RBMS3: variants seen among roughly 807,000 people sequenced by gnomAD.
The protein encoded by RBMS3 is RNA binding motif single stranded interacting protein 3, also known as RNA-binding motif, single-stranded-interacting protein 3.
A neutral mutation model predicts 66.8 loss-of-function variants in RBMS3; 27 were observed. That is an observed-to-expected ratio of 0.40 (90% CI 0.30 to 0.56). The LOEUF (loss-of-function observed/expected upper bound fraction) is 0.56, where lower values mean the gene tolerates loss of function less well. RBMS3 is among the 20% of genes least tolerant of loss of function. The pLI is 0.40. For synonymous variants in RBMS3, 188 were observed against 183.0 expected (o/e 1.03, Z -0.22); for missense variants, 513 against 549.5 (o/e 0.93, Z 0.66).
chr3:29,657,061 T>C (rs531160658), intron 4 of RBMS3, among the ~76,000 whole-genome samples: 5 of 152,288 alleles, frequency 3.3e-5, no homozygotes, highest in South Asian at 2.1e-4. Context: ...GTGGCACATG[T>C]GATTTTTGAC....
intron 4 of RBMS3, among the ~76,000 whole-genome samples, chr3:29,737,457 A>G (rs1187134169): frequency 6.6e-6 from 1 of 152,192 alleles, no homozygotes; most frequent in Non-Finnish European, 1.5e-5. Context: ...TAGGAAAATT[A>G]GTCACTAAAT....
chr3:29,921,626 A>G (rs1248894563), intron 10 of RBMS3, among the ~76,000 whole-genome samples: 1 of 152,184 alleles, frequency 6.6e-6, no homozygotes, highest in Non-Finnish European at 1.5e-5. Context: ...GGCTCTCCCT[A>G]TAATGAGCTG....
At chr3:29,652,518 G>T (rs2149215682) in intron 4 of RBMS3, among the ~76,000 whole-genome samples, 1 of 152,130 alleles carries the variant, frequency 6.6e-6, no homozygotes, top group African/African-American at 2.4e-5. Flanking sequence ...TCCTGCTAGT[G>T]ATCTTGGGGA....
intron 4 of RBMS3, among the ~76,000 whole-genome samples, chr3:29,727,761 A>C (rs1268223747): frequency 6.6e-6 from 1 of 152,164 alleles, no homozygotes; most frequent in Middle Eastern, 3.2e-3. Flanking sequence ...TGTTGGTGGG[A>C]GTGTAAATTA....
chr3:29,549,636 G>T (rs1373221985), intron 3 of RBMS3, among the ~76,000 whole-genome samples: 3 of 152,032 alleles, frequency 2.0e-5, no homozygotes, highest in African/African-American at 7.3e-5. Flanking sequence ...CTGACCTCAG[G>T]TGATTCGCTC....
At chr3:29,833,140 A>G (rs2058417832) in intron 6 of RBMS3, among the ~76,000 whole-genome samples, 1 of 152,196 alleles carries the variant, frequency 6.6e-6, no homozygotes, top group Non-Finnish European at 1.5e-5. Context: ...TAAGAGTACT[A>G]GCTGAATCTA....
chr3:29,500,838 C>CTGTG (rs58254082), intron 3 of RBMS3, among the ~76,000 whole-genome samples: 2,404 of 148,258 alleles, frequency 0.016, 57 homozygotes, highest in African/African-American at 0.052. Flanking sequence ...GTCAGTACAT[C>CTGTG]TGTGTGTGTG....
chr3:29,413,742 G>C (rs2164926), intron 1 of RBMS3, among the ~76,000 whole-genome samples: 2 of 151,952 alleles, frequency 1.3e-5, no homozygotes, highest in Non-Finnish European at 2.9e-5. Context: ...TAGGTGAAGA[G>C]AACTGAATTG....
intron 6 of RBMS3, among the ~76,000 whole-genome samples, chr3:29,781,360 A>G (rs574454483): frequency 4.1e-4 from 63 of 152,064 alleles, no homozygotes; most frequent in African/African-American, 1.5e-3. Flanking sequence ...ATTCACCCAC[A>G]TGGTTATATG....
intron 1 of RBMS3, among the ~76,000 whole-genome samples, chr3:29,320,292 A>G (rs1057490444): frequency 1.3e-5 from 2 of 152,026 alleles, no homozygotes; most frequent in Non-Finnish European, 2.9e-5. Context: ...AGACCTCTGA[A>G]AGGTTCAGGC....
chr3:29,338,424 C>G (rs759717408), intron 1 of RBMS3, among the ~76,000 whole-genome samples: 3 of 152,148 alleles, frequency 2.0e-5, no homozygotes, highest in Non-Finnish European at 4.4e-5. Flanking sequence ...AATAGAATCT[C>G]TCCTGTAAAG....
intron 6 of RBMS3, among the ~76,000 whole-genome samples, chr3:29,791,304 T>C (rs1013670323): frequency 1.6e-4 from 25 of 152,186 alleles, no homozygotes; most frequent in Admixed American, 1.3e-3. Context: ...TATGTGTTGC[T>C]GTTTTAATAG....
At chr3:29,925,757 G>T (rs1434252173) in intron 10 of RBMS3, among the ~76,000 whole-genome samples, 2 of 152,130 alleles carry the variant, frequency 1.3e-5, no homozygotes, top group African/African-American at 4.8e-5. Context: ...TAGTGGGGCT[G>T]GGGTTCACCT....
chr3:29,690,132 A>G (rs115070337), intron 4 of RBMS3, among the ~76,000 whole-genome samples: 3,158 of 151,978 alleles, frequency 0.021, 111 homozygotes, highest in African/African-American at 0.07. Context: ...TAAGAGATCA[A>G]TAGAGATTTT....
chr3:29,829,746 G>A (rs111414257), intron 6 of RBMS3, among the ~76,000 whole-genome samples: 1,592 of 152,238 alleles, frequency 0.01, 26 homozygotes, highest in African/African-American at 0.036. Flanking sequence ...CTATTTCAAT[G>A]TCAGGCAATA....
intron 5 of RBMS3, among the ~76,000 whole-genome samples, chr3:29,746,854 A>C (rs932813655): frequency 6.6e-6 from 1 of 152,198 alleles, no homozygotes; most frequent in Non-Finnish European, 1.5e-5. Context: ...TTATTGCTTT[A>C]TTATTATAAA....
intron 6 of RBMS3, among the ~76,000 whole-genome samples, chr3:29,860,819 A>G (rs2149534187): frequency 6.6e-6 from 1 of 152,320 alleles, no homozygotes; most frequent in African/African-American, 2.4e-5. Context: ...TTAATGTACA[A>G]GTCACCCAGA....
At chr3:29,835,857 A>G (rs1281811004) in intron 6 of RBMS3, among the ~76,000 whole-genome samples, 1 of 151,924 alleles carries the variant, frequency 6.6e-6, no homozygotes, top group Non-Finnish European at 1.5e-5. Context: ...AAAAAAAGGT[A>G]AACAAAATTG....
At chr3:29,337,300 T>G (rs1418378095) in intron 1 of RBMS3, among the ~76,000 whole-genome samples, 3 of 152,110 alleles carry the variant, frequency 2.0e-5, no homozygotes, top group Admixed American at 2.0e-4. Context: ...TGTTACCATA[T>G]AGGTACTAAA....
Sources: allele counts gnomAD v4.1 joint callset (sites outside exome capture counted in the v4.1 genomes callset), GRCh38; gene constraint gnomAD v4.1.1; transcripts MANE v1.5; gene names NCBI Gene and HGNC (gene_info 2026-07-23, HGNC 2026-07-21).